The following FGF14 variants were observed in gnomAD, a reference collection of about 807,000 sequenced individuals.
FGF14 encodes fibroblast growth factor homologous factor 4.
In FGF14, 5 loss-of-function variants were observed where a neutral mutation model predicts 25.5. That is an observed-to-expected ratio of 0.20 (90% CI 0.10 to 0.41). The LOEUF (loss-of-function observed/expected upper bound fraction) is 0.41, where lower values mean the gene tolerates loss of function less well. Ranked by LOEUF, FGF14 falls within the 10% of genes least tolerant of loss-of-function variation. The pLI, the probability that FGF14 is intolerant of heterozygous loss-of-function variation, is 1.00. For missense variants in FGF14, 222 were observed against 320.1 expected, an observed-to-expected ratio of 0.69 and a Z score of 2.34; for synonymous variants, 138 against 118.3, an observed-to-expected ratio of 1.17 and a Z score of -1.08.
intron 1 of FGF14, among the ~76,000 whole-genome samples, chr13:102,035,523 G>A (rs1485223131): frequency 6.6e-6 from 1 of 152,114 alleles, no homozygotes; most frequent in Non-Finnish European, 1.5e-5. Context: ...GGTACCACTG[G>A]ATGACTCAGG....
chr13:102,064,772 G>GTGTATA, intron 1 of FGF14, among the ~76,000 whole-genome samples: 1 of 151,958 alleles, frequency 6.6e-6, no homozygotes, highest in East Asian at 1.9e-4. Flanking sequence ...TTTACAAAGT[G>GTGTATA]TGTATATTGT....
At chr13:102,352,968 GAA>G (rs1261333464) in intron 1 of FGF14, among the ~76,000 whole-genome samples, 1 of 151,966 alleles carries the variant, frequency 6.6e-6, no homozygotes, top group African/African-American at 2.4e-5. Flanking sequence ...CTGCTATCCT[GAA>G]AGAGTCTTGA....
intron 1 of FGF14, among the ~76,000 whole-genome samples, chr13:102,166,587 C>T (rs762607586): frequency 2.6e-5 from 4 of 152,232 alleles, no homozygotes; most frequent in African/African-American, 4.8e-5. Flanking sequence ...CTGTTTAAAA[C>T]GGCCTCCAAG....
At chr13:102,306,058 A>G (rs1056350404) in intron 1 of FGF14, among the ~76,000 whole-genome samples, 3 of 152,176 alleles carry the variant, frequency 2.0e-5, no homozygotes, top group Non-Finnish European at 4.4e-5. Context: ...ATTTTGTCGG[A>G]GAGGTACCAC....
intron 1 of FGF14, among the ~76,000 whole-genome samples, chr13:102,224,180 A>C (rs1296267342): frequency 5.3e-5 from 8 of 152,174 alleles, no homozygotes; most frequent in Non-Finnish European, 1.2e-4. Context: ...AAGAAAACAT[A>C]TCTCCAAAAG....
upstream of FGF14, among the ~76,000 whole-genome samples, chr13:101,919,886 CCTGAACAGCGGA>C (rs1182275298): frequency 2.9e-5 from 4 of 140,086 alleles, no homozygotes; most frequent in African/African-American, 1.0e-4. Context: ...TGGCGCAGCG[CCTGAACAGCGGA>C]CTCCGGAGTC....
intron 1 of FGF14, among the ~76,000 whole-genome samples, chr13:101,926,555 A>G (rs2034379787): frequency 6.6e-6 from 1 of 152,240 alleles, no homozygotes; most frequent in African/African-American, 2.4e-5. Context: ...TAGGCTCCCC[A>G]GTGAATTGTG....
chr13:102,165,183 G>A (rs1220822380), intron 1 of FGF14, among the ~76,000 whole-genome samples: 1 of 152,080 alleles, frequency 6.6e-6, no homozygotes, highest in African/African-American at 2.4e-5. Flanking sequence ...TGGAGAGGAT[G>A]TGGAGAAATA....
intron 1 of FGF14, among the ~76,000 whole-genome samples, chr13:102,248,460 T>A (rs1041709132): frequency 6.6e-6 from 1 of 152,122 alleles, no homozygotes; most frequent in Non-Finnish European, 1.5e-5. Context: ...TATATCTTAT[T>A]TGAGATATTC....
intron 1 of FGF14, among the ~76,000 whole-genome samples, chr13:102,216,015 A>C (rs1407232990): frequency 6.6e-6 from 1 of 152,176 alleles, no homozygotes; most frequent in Non-Finnish European, 1.5e-5. Context: ...GTGCAGACTG[A>C]GAAGGTCAGT....
chr13:102,180,766 C>T (rs2048641219), intron 1 of FGF14, among the ~76,000 whole-genome samples: 1 of 151,906 alleles, frequency 6.6e-6, no homozygotes, highest in South Asian at 2.1e-4. Context: ...TACATATTAC[C>T]CTGGAGAAAT....
chr13:102,146,333 A>G (rs558948099), intron 1 of FGF14, among the ~76,000 whole-genome samples: 2 of 152,334 alleles, frequency 1.3e-5, no homozygotes, highest in East Asian at 3.9e-4. Context: ...GATGAGCAAC[A>G]AAGTCACATT....
chr13:102,296,312 T>A (rs986287215), intron 1 of FGF14, among the ~76,000 whole-genome samples: 3 of 152,152 alleles, frequency 2.0e-5, no homozygotes, highest in Non-Finnish European at 4.4e-5. Flanking sequence ...TTCTTAGGAT[T>A]TCTGCAACTT....
intron 3 of FGF14, among the ~76,000 whole-genome samples, chr13:101,805,623 C>A (rs192167205): frequency 3.0e-4 from 45 of 152,224 alleles, no homozygotes; most frequent in African/African-American, 9.6e-4. Flanking sequence ...CCAGTCTCTG[C>A]TAATCTGAAA....
Position 101,939,942 on chromosome 13 carries a change from A to C in FGF14, c.209-64646T>G, listed in dbSNP as rs963917584. Among the ~76,000 whole-genome samples, 3 of 152,246 alleles carry C rather than the reference A, an allele frequency of 2.0e-5. No homozygotes were observed. In the South Asian group the frequency reaches 6.2e-4, roughly 31 times the overall value. ...AGAAGGAAAAAAAGTAGTTGGAGAAAACAATAAAATTTTGCAGACGGATAT... is the reference window on the plus strand; with the variant it reads ...AGAAGGAAAAAAAGTAGTTGGAGAACACAATAAAATTTTGCAGACGGATAT... On this transcript the variant is annotated intron_variant, in intron 1 of 4. Coordinates refer to the FGF14 transcript ENST00000376131.
chr13:101,976,160 TCAAA>T (rs60427764), intron 1 of FGF14, among the ~76,000 whole-genome samples: 115,541 of 151,634 alleles, frequency 0.76, 44,218 homozygotes, highest in East Asian at 1. Flanking sequence ...TGTTCAGTGC[TCAAA>T]CAGTGAAAGG....
At chr13:101,816,178 C>G (rs7489604) in intron 3 of FGF14, among the ~76,000 whole-genome samples, 83,924 of 148,474 alleles carry the variant, frequency 0.57, 24,180 homozygotes, top group Non-Finnish European at 0.62. Context: ...GCTGAGGCAG[C>G]AGAATGGCAT....
intron 1 of FGF14, among the ~76,000 whole-genome samples, chr13:102,053,832 G>A (rs1289573535): frequency 6.6e-6 from 1 of 152,086 alleles, no homozygotes; most frequent in Non-Finnish European, 1.5e-5. Context: ...TAGAACTTAA[G>A]TTCTACTTCA....
intron 3 of FGF14, among the ~76,000 whole-genome samples, chr13:101,793,900 A>T (rs555879556): frequency 5.9e-5 from 9 of 152,062 alleles, no homozygotes; most frequent in Non-Finnish European, 1.2e-4. Context: ...TGAGACTCTG[A>T]TGTTTGTAGC....
Sources: gnomAD v4.1 joint callset for allele counts (sites outside exome capture counted in the v4.1 genomes callset) on GRCh38, gnomAD v4.1.1 for gene constraint, MANE v1.5 for transcripts, NCBI Gene and HGNC (gene_info 2026-07-23, HGNC 2026-07-21) for gene names.